ADGRL3: variants seen among roughly 807,000 people sequenced by gnomAD.
The protein encoded by ADGRL3 is calcium-independent alpha-latrotoxin receptor 3.
Under a neutral mutation model 153.5 loss-of-function variants are expected in ADGRL3, and 62 were observed. That is an observed-to-expected ratio of 0.40 (90% CI 0.33 to 0.50). ADGRL3 has a LOEUF of 0.50. Among genes scored for constraint, ADGRL3 ranks in the 20% least tolerant of loss-of-function variants. ADGRL3 has a pLI of 0.47. For missense variants in ADGRL3, 1,641 were observed against 1,859.4 expected (o/e 0.88, Z 2.16); for synonymous variants, 710 against 672.5 (o/e 1.06, Z -0.86).
At chr4:61,981,548 A>G (rs2099068452) in intron 18 of ADGRL3, among the ~76,000 whole-genome samples, 1 of 152,186 alleles carries the variant, frequency 6.6e-6, no homozygotes, top group African/African-American at 2.4e-5. Flanking sequence ...AAGAAAAAAA[A>G]AAGAACAGCA....
At chr4:61,960,897 A>T (rs1193535587) in intron 17 of ADGRL3, among the ~76,000 whole-genome samples, 2 of 152,094 alleles carry the variant, frequency 1.3e-5, no homozygotes, top group Middle Eastern at 3.2e-3. Flanking sequence ...TTTAGTAGAG[A>T]TGAGGTTTCA....
chr4:61,374,552 A>AT (rs1423593871), intron 1 of ADGRL3, among the ~76,000 whole-genome samples: 3 of 152,046 alleles, frequency 2.0e-5, no homozygotes, highest in Non-Finnish European at 4.4e-5. Flanking sequence ...AGTACTGAAG[A>AT]TTTTCTGCTT....
chr4:61,544,403 C>A (rs1252983529), intron 4 of ADGRL3, among the ~76,000 whole-genome samples: 1 of 152,078 alleles, frequency 6.6e-6, no homozygotes, highest in Non-Finnish European at 1.5e-5. Context: ...TAGTCTTTAC[C>A]TATTTTTCTC....
chr4:61,932,630 T>A (rs558804050), intron 13 of ADGRL3, among the ~76,000 whole-genome samples: 1 of 152,228 alleles, frequency 6.6e-6, no homozygotes, highest in South Asian at 2.1e-4. Flanking sequence ...TGGCCTGCAG[T>A]TTTCTCGTGG....
At chr4:62,018,147 A>G (rs912469862) in intron 21 of ADGRL3, among the ~76,000 whole-genome samples, 1 of 152,174 alleles carries the variant, frequency 6.6e-6, no homozygotes, top group African/African-American at 2.4e-5. Flanking sequence ...TATGGATGAC[A>G]CACTTTAACC....
chr4:61,933,283 T>C (rs1450414352), intron 13 of ADGRL3, among the ~76,000 whole-genome samples: 1 of 152,110 alleles, frequency 6.6e-6, no homozygotes, highest in Non-Finnish European at 1.5e-5. Context: ...TTATTTTTAT[T>C]TTTATTTTTT....
At chr4:61,352,095 A>G (rs1222737252) in intron 1 of ADGRL3, among the ~76,000 whole-genome samples, 1 of 152,188 alleles carries the variant, frequency 6.6e-6, no homozygotes, top group African/African-American at 2.4e-5. Context: ...AAATGTTAGC[A>G]TTAACAGGAG....
chr4:61,451,353 G>A (rs192340389), intron 2 of ADGRL3, among the ~76,000 whole-genome samples: 250 of 152,024 alleles, frequency 1.6e-3, no homozygotes, highest in Non-Finnish European at 3.0e-3. Context: ...AATGAAAAAA[G>A]GGCAAAATAT....
At chr4:61,688,458 A>G (rs2095484803) in intron 6 of ADGRL3, among the ~76,000 whole-genome samples, 1 of 152,104 alleles carries the variant, frequency 6.6e-6, no homozygotes, top group African/African-American at 2.4e-5. Flanking sequence ...GAATGGCTTC[A>G]CCTAGAAAAT....
At chr4:61,771,071 C>T (rs111308661) in intron 8 of ADGRL3, among the ~76,000 whole-genome samples, 3 of 152,148 alleles carry the variant, frequency 2.0e-5, no homozygotes, top group Non-Finnish European at 4.4e-5. Context: ...CAGTTGCTTC[C>T]TTCACAGTTG....
intron 1 of ADGRL3, among the ~76,000 whole-genome samples, chr4:61,264,305 G>A (rs2149661307): frequency 6.6e-6 from 1 of 152,088 alleles, no homozygotes; most frequent in South Asian, 2.1e-4. Flanking sequence ...AATGTTTCAT[G>A]TAGGTCCAGC....
chr4:61,419,796 A>ATTTT (rs200189725), intron 2 of ADGRL3, among the ~76,000 whole-genome samples: 1 of 143,748 alleles, frequency 7.0e-6, no homozygotes, highest in Non-Finnish European at 1.5e-5. Flanking sequence ...ACATATTTAG[A>ATTTT]TTTTTTTTTT....
In ADGRL3 at chr4:61,248,761, C is replaced by G. The variant is rs183369105; in HGVS notation, c.-240+46996C>G. Among the ~76,000 whole-genome samples, 6 of 152,230 alleles carry G rather than the reference C, an allele frequency of 3.9e-5. No individual in the cohort carries two copies. In the East Asian group the frequency reaches 9.7e-4, roughly 25 times the overall value. On this transcript the variant is annotated intron_variant, in intron 1 of 26. Transcript: ENST00000683033. The stretch of plus-strand genomic sequence containing the variant: ...GAAAATTATTTCTCCTTGAAATGTT[C>G]AGAGTGCTGGAATTTATTTTACAGT...
intron 9 of ADGRL3, among the ~76,000 whole-genome samples, chr4:61,829,847 G>A (rs1345590166): frequency 6.6e-6 from 1 of 152,064 alleles, no homozygotes; most frequent in East Asian, 1.9e-4. Context: ...GACAGCCAAG[G>A]AACTGGTACT....
rs187761349 is a variant in ADGRL3, at chr4:61,797,180, A to G, written c.1400-16629A>G. Among the ~76,000 whole-genome samples, 9 of 152,330 alleles carry G rather than the reference A, an allele frequency of 5.9e-5. No homozygotes were observed. The East Asian group carries it at 1.7e-3, about 29-fold the overall frequency. On this transcript the variant is annotated intron_variant, in intron 8 of 26. Transcript: ENST00000683033. The stretch of plus-strand genomic sequence containing the variant: ...TCAGTTCCTCAAAAGCCTTGTGCCT[A>G]CAGAGAATTTAAGCAAGGTAAATTA...
At chr4:61,789,078 CAT>C (rs1283176751) in intron 8 of ADGRL3, among the ~76,000 whole-genome samples, 1 of 151,860 alleles carries the variant, frequency 6.6e-6, no homozygotes, top group Non-Finnish European at 1.5e-5. Flanking sequence ...TGCATTATGT[CAT>C]AAAATAAACA....
intron 9 of ADGRL3, among the ~76,000 whole-genome samples, chr4:61,846,839 G>A (rs1183816925): frequency 9.9e-5 from 15 of 151,842 alleles, no homozygotes; most frequent in Non-Finnish European, 1.8e-4. Flanking sequence ...AAGCAAGGTG[G>A]GGTGGGGCGG....
At chr4:61,725,446 T>G (rs1334045099) in intron 6 of ADGRL3, among the ~76,000 whole-genome samples, 1 of 151,806 alleles carries the variant, frequency 6.6e-6, no homozygotes, top group African/African-American at 2.4e-5. Flanking sequence ...CAAAACAAAA[T>G]TAGCCAGGCG....
chr4:61,701,158 G>GAGA (rs2095751563), intron 6 of ADGRL3, among the ~76,000 whole-genome samples: 1 of 152,136 alleles, frequency 6.6e-6, no homozygotes, highest in Non-Finnish European at 1.5e-5. Context: ...TAGAGGACTG[G>GAGA]AGAAGGAAGA....
Sources: allele counts gnomAD v4.1 joint callset (sites outside exome capture counted in the v4.1 genomes callset), GRCh38; gene constraint gnomAD v4.1.1; transcripts MANE v1.5; gene names NCBI Gene and HGNC (gene_info 2026-07-23, HGNC 2026-07-21).